LRCH3: variants seen among roughly 807,000 people sequenced by gnomAD.
LRCH3 encodes the protein DISP complex protein LRCH3.
Under a neutral mutation model 104.5 loss-of-function variants are expected in LRCH3, and 68 were observed. That is an observed-to-expected ratio of 0.65 (90% CI 0.54 to 0.80). LRCH3 has a LOEUF of 0.80. LRCH3 is among the 30% of genes least tolerant of loss of function. LRCH3 has a pLI of 0.00. For synonymous variants in LRCH3, 344 were observed against 361.3 expected (o/e 0.95, Z 0.54); for missense variants, 951 against 953.9 (o/e 1.00, Z 0.04).
intron 9 of LRCH3, among the ~76,000 whole-genome samples, chr3:197,839,081 G>A (rs1034367100): frequency 1.3e-5 from 2 of 152,182 alleles, no homozygotes; most frequent in Non-Finnish European, 1.5e-5. Flanking sequence ...ATAATACAGT[G>A]AGAAGGAAAT....
chr3:197,838,211 G>A (rs770770347), intron 9 of LRCH3, among the ~76,000 whole-genome samples: 3 of 152,224 alleles, frequency 2.0e-5, no homozygotes, highest in Non-Finnish European at 2.9e-5. Flanking sequence ...CTTGAGCCCG[G>A]CAGTTTGAGG....
In LRCH3 at chr3:197,813,524, T is replaced by C. The variant is rs1395911078; in HGVS notation, c.263-1384T>C. Among the ~76,000 whole-genome samples, 61 of 110,092 alleles carry C rather than the reference T, an allele frequency of 5.5e-4. 4 individuals carry two copies. The highest frequency in any genetic ancestry group is 7.7e-3 in the Middle Eastern group (2 of 260). The allele number at this position is 110,092 out of a possible 152,430, so 72.2% of individuals were successfully genotyped here. A position where few individuals can be genotyped will look rare whatever the true frequency, so the allele number is the denominator to read the frequency against. On this transcript the variant is annotated intron_variant, in intron 1 of 20. Transcript: ENST00000425562. ...GGAGGCATATAATTTTTTTTTTTTT[T>C]TTTTTTTTTTTTTTTTTTTTTTTTG...
intron 19 of LRCH3, among the ~76,000 whole-genome samples, chr3:197,872,977 A>G (rs1202479224): frequency 6.6e-6 from 1 of 152,190 alleles, no homozygotes; most frequent in Non-Finnish European, 1.5e-5. Context: ...GAGAGGGAAG[A>G]TGGTTCAAAG....
intron 1 of LRCH3, among the ~76,000 whole-genome samples, chr3:197,808,602 T>C (rs1294175056): frequency 2.0e-5 from 3 of 152,192 alleles, no homozygotes; most frequent in African/African-American, 7.2e-5. Flanking sequence ...GGGTGAACAG[T>C]CTTTCTTTTA....
chr3:197,881,166 G>C, intron 20 of LRCH3: 1 of 1,010,018 alleles, frequency 9.9e-7, no homozygotes, highest in Non-Finnish European at 1.2e-6. Flanking sequence ...GAGGAGAACC[G>C]TCGTGCCTTT....
chr3:197,809,859 ATC>A, intron 1 of LRCH3, among the ~76,000 whole-genome samples: 1 of 152,210 alleles, frequency 6.6e-6, no homozygotes, highest in East Asian at 1.9e-4. Flanking sequence ...ATGGTCTAGC[ATC>A]TCTGTCATCT....
chr3:197,879,374 C>T lies in LRCH3; in HGVS notation c.2208+3599C>T, dbSNP rs377127466. 1.1e-3 allele frequency among the ~76,000 whole-genome samples: 165 copies of T among 152,158 alleles called. 1 individual carries two copies. Among genetic ancestry groups the T allele is most frequent in the East Asian group, 8.1e-3 (42 of 5,176 alleles). On this transcript the variant is annotated intron_variant, in intron 20 of 20. Coordinates refer to ENST00000425562, the MANE Select transcript of LRCH3 (RefSeq NM_001365715.1). ...AAAATAGACACCCCCTGGCCGGGCG[C>T]GGTGGCTCACGCCTGTAATCCCAGC...
Position 197,847,395 on chromosome 3 carries a change from CT to C in LRCH3, c.1329-8del. ...CAAAGAGTTTTTTTCTTTCTTTTTT[CT>C]TTTTTGGGTCAGGGTTCCAGCTGAG... On this transcript the variant is annotated splice_polypyrimidine_tract_variant and intron_variant, in intron 10 of 20. Coordinates refer to ENST00000425562, the MANE Select transcript of LRCH3 (RefSeq NM_001365715.1). 7 of 1,556,108 alleles carry C rather than the reference CT, an allele frequency of 4.5e-6. No homozygotes were observed. The Admixed American group carries it at 8.6e-5, about 19-fold the overall frequency.
chr3:197,840,253 C>T (rs141268635), intron 10 of LRCH3, among the ~76,000 whole-genome samples: 1,762 of 152,122 alleles, frequency 0.012, 32 homozygotes, highest in African/African-American at 0.04. Context: ...GCCTGGCCAA[C>T]GTGGTGAAAC....
intron 5 of LRCH3, among the ~76,000 whole-genome samples, chr3:197,827,934 G>T (rs183769017): frequency 6.6e-6 from 1 of 151,894 alleles, no homozygotes; most frequent in East Asian, 1.9e-4. Flanking sequence ...AAAATTAGCC[G>T]GGTGCGGTGG....
At position 197,791,544 on chromosome 3, in the gene LRCH3, A is replaced by T. The variant is rs1560509780; in HGVS notation, c.262+4A>T. On this transcript the variant is annotated splice_donor_region_variant and intron_variant, in intron 1 of 20. Transcript: ENST00000425562. ...CTGACGGACACCACCCGGGCGGGTG[A>T]GCGGGGCGGGGGGCGTCTCTGCCCG... is the stretch of plus-strand genomic sequence containing the variant. 6.4e-7 allele frequency: 1 copy of T among 1,567,364 alleles called. No individual in the cohort carries two copies. Among genetic ancestry groups the T allele is most frequent in the Non-Finnish European group, 8.6e-7 (1 of 1,161,468 alleles).
chr3:197,835,827 T>C lies in LRCH3; in HGVS notation c.1251+5T>C. The C allele has an allele frequency of 6.2e-7, 1 of 1,613,656 alleles. No individual in the cohort carries two copies. The highest frequency in any genetic ancestry group is 8.5e-7 in the Non-Finnish European group (1 of 1,179,684). The stretch of plus-strand genomic sequence containing the variant: ...CAGCGGCGAATCTCTCATGAGGTAG[T>C]ACACAGATTGAAGCCTAAATATGTT... On this transcript the variant is annotated splice_donor_5th_base_variant and intron_variant, in intron 9 of 20. Coordinates refer to ENST00000425562, the MANE Select transcript of LRCH3 (RefSeq NM_001365715.1).
chr3:197,848,291 A>T (rs1739059580), intron 12 of LRCH3: 1 of 327,976 alleles, frequency 3.0e-6, no homozygotes, highest in Non-Finnish European at 5.7e-6. Flanking sequence ...AGTAAAGATC[A>T]GTAAGATGAA....
chr3:197,879,984 C>G (rs569929079), intron 20 of LRCH3, among the ~76,000 whole-genome samples: 11 of 148,950 alleles, frequency 7.4e-5, no homozygotes, highest in South Asian at 4.3e-4. Context: ...CTCGCTCTGT[C>G]ACCCAGGCTG....
At chr3:197,800,115 G>A (rs867375680) in intron 1 of LRCH3, among the ~76,000 whole-genome samples, 80 of 151,978 alleles carry the variant, frequency 5.3e-4, no homozygotes, top group Middle Eastern at 3.4e-3. Context: ...CTTGAACCCC[G>A]GTGGTGGAGG....
At chr3:197,875,297 A>T (rs796208633) in intron 19 of LRCH3, among the ~76,000 whole-genome samples, 1 of 152,082 alleles carries the variant, frequency 6.6e-6, no homozygotes, top group South Asian at 2.1e-4. Flanking sequence ...AAGTTCGCTG[A>T]CCCCCTAGTC....
At chr3:197,857,375 C>A (rs1038942261) in intron 14 of LRCH3, among the ~76,000 whole-genome samples, 2 of 150,692 alleles carry the variant, frequency 1.3e-5, no homozygotes, top group Non-Finnish European at 2.9e-5. Flanking sequence ...CGGGCTACCC[C>A]TCAAGCTCCT....
chr3:197,791,973 GTC>G (rs1432949606), intron 1 of LRCH3, among the ~76,000 whole-genome samples: 4 of 152,136 alleles, frequency 2.6e-5, no homozygotes, highest in Non-Finnish European at 5.9e-5. Flanking sequence ...GGAAGGGTCG[GTC>G]TCAGCCCTGG....
chr3:197,814,781 T>C (rs568297699), intron 1 of LRCH3, 127 bp from the exon 2 acceptor site: 244 of 675,226 alleles, frequency 3.6e-4, no homozygotes, highest in Middle Eastern at 2.2e-3. Flanking sequence ...TAAGCAGATA[T>C]GCCTTAGAAG....
Sources: allele counts gnomAD v4.1 joint callset (sites outside exome capture counted in the v4.1 genomes callset), GRCh38; gene constraint gnomAD v4.1.1; transcripts MANE v1.5; gene names NCBI Gene and HGNC (gene_info 2026-07-23, HGNC 2026-07-21).